Variants in CDK17 observed in about 807,000 individuals in gnomAD.
CDK17 encodes cyclin dependent kinase 17, also known as cyclin-dependent kinase 17.
CDK17 carries 24 observed loss-of-function variants against 77.6 expected under a neutral mutation model. That is an observed-to-expected ratio of 0.31 (90% confidence interval 0.22 to 0.44). CDK17 has a LOEUF of 0.44. Among genes scored for constraint, CDK17 ranks in the 20% least tolerant of loss-of-function variants. The pLI, the probability that CDK17 is intolerant of heterozygous loss-of-function variation, is 1.00. For missense variants in CDK17, 429 were observed against 622.5 expected (o/e 0.69, Z 3.31); for synonymous variants, 203 against 210.4 (o/e 0.96, Z 0.30).
At chr12:96,316,829 A>G (rs1296791456) in intron 3 of CDK17, among the ~76,000 whole-genome samples, 1 of 141,570 alleles carries the variant, frequency 7.1e-6, no homozygotes, top group Non-Finnish European at 1.5e-5. Flanking sequence ...TCAAAGACCA[A>G]AAGTAGATAA....
intron 1 of CDK17, among the ~76,000 whole-genome samples, chr12:96,373,221 C>T (rs553007991): frequency 5.3e-5 from 8 of 152,150 alleles, no homozygotes; most frequent in Non-Finnish European, 1.2e-4. Context: ...ATCCTGATTC[C>T]TTCATTTAAA....
chr12:96,378,575 T>C (rs1263755700), intron 1 of CDK17, among the ~76,000 whole-genome samples: 2 of 152,246 alleles, frequency 1.3e-5, no homozygotes, highest in African/African-American at 4.8e-5. Flanking sequence ...GCTACAGGGA[T>C]ATTGTTGCTT....
chr12:96,334,625 G>A, intron 2 of CDK17, 94 bp downstream of exon 2: 1 of 671,380 alleles, frequency 1.5e-6, no homozygotes, highest in Non-Finnish European at 2.6e-6. Context: ...TAAACAAAGG[G>A]AAGCTATTAT....
At position 96,278,703 on chromosome 12, in the gene CDK17, C is replaced by A. The variant is rs1952136010; in HGVS notation, c.*1539G>T. 6.6e-6 allele frequency: 1 copy of A among 152,440 alleles called. No individual in the cohort carries two copies. Among genetic ancestry groups the A allele is most frequent in the Non-Finnish European group, 1.5e-5 (1 of 67,944 alleles). The allele number at this position is 152,440 out of a possible 1,614,324, so 9.4% of individuals were successfully genotyped here. Reference sequence around the variant, plus strand: ...TAGGCTACAAGGTTTAACATAAAACCAATTTACAAATGTGAAAAGCAGTAG... The same window carrying A: ...TAGGCTACAAGGTTTAACATAAAACAAATTTACAAATGTGAAAAGCAGTAG... On this transcript the variant is annotated 3_prime_UTR_variant, in exon 17 of 17. Transcript: ENST00000261211.
intron 10 of CDK17, among the ~76,000 whole-genome samples, chr12:96,292,997 G>C (rs1952346849): frequency 6.6e-6 from 1 of 152,176 alleles, no homozygotes; most frequent in Admixed American, 6.5e-5. Flanking sequence ...AATTATCAAA[G>C]ACCTAAAGAG....
intron 9 of CDK17, among the ~76,000 whole-genome samples, chr12:96,296,397 T>TA (rs2137079990): frequency 6.6e-6 from 1 of 152,352 alleles, no homozygotes; most frequent in East Asian, 1.9e-4. Flanking sequence ...AAGCCCTTTT[T>TA]AAAAATCCTT....
chr12:96,334,738 T>C lies in CDK17; in HGVS notation c.99A>G (p.Glu33=). 6.3e-7 allele frequency: 1 copy of C among 1,599,486 alleles called. No individual in the cohort carries two copies. Among genetic ancestry groups the C allele is most frequent in the East Asian group, 2.2e-5 (1 of 44,734 alleles). The change falls in exon 2 of 17, where the codon GAA becomes GAG. Residue 33 remains glutamate, a synonymous_variant. Coordinates refer to ENST00000261211, the MANE Select transcript of CDK17 (RefSeq NM_002595.5). ...SELAEQMTIE[E]NSSKDNEPIV... ...ATTTACCATTATCCTTGCTGCTGTT[T>C]TCTTCAATAGTCATTTGTTCAGCCA...
chr12:96,375,284 G>C (rs964143747), intron 1 of CDK17, among the ~76,000 whole-genome samples: 5 of 151,966 alleles, frequency 3.3e-5, no homozygotes, highest in Non-Finnish European at 5.9e-5. Context: ...CATTTTCCTT[G>C]GCTTCTCTAT....
At chr12:96,312,203 G>A (rs1315542653) in intron 4 of CDK17, among the ~76,000 whole-genome samples, 4 of 152,158 alleles carry the variant, frequency 2.6e-5, no homozygotes, top group Admixed American at 2.6e-4. Flanking sequence ...CTTGAGCCCA[G>A]GAGGTTGAGG....
intron 5 of CDK17, among the ~76,000 whole-genome samples, chr12:96,310,270 G>C (rs1952630661): frequency 6.6e-6 from 1 of 151,934 alleles, no homozygotes; most frequent in Non-Finnish European, 1.5e-5. Context: ...GATACATATT[G>C]TGCAATATAT....
At chr12:96,342,167 A>G (rs1399900312) in intron 1 of CDK17, among the ~76,000 whole-genome samples, 4 of 152,338 alleles carry the variant, frequency 2.6e-5, no homozygotes, top group African/African-American at 9.6e-5. Flanking sequence ...TTATTTCTTC[A>G]TAACATTTTC....
intron 1 of CDK17, among the ~76,000 whole-genome samples, chr12:96,391,583 G>A (rs34943694): frequency 0.049 from 7,433 of 152,172 alleles, 248 homozygotes; most frequent in Non-Finnish European, 0.061. Context: ...GAGCCACCGC[G>A]GCAGGCCAGT....
intron 3 of CDK17, 101 bp downstream of exon 3, chr12:96,323,847 G>T: frequency 1.2e-6 from 1 of 815,254 alleles, no homozygotes; most frequent in Non-Finnish European, 1.8e-6. Context: ...ATTTTTATCT[G>T]ACAGAAGAAA....
Position 96,297,503 on chromosome 12 carries a change from T to C in CDK17, c.810+124A>G, listed in dbSNP as rs536925444. The C allele has an allele frequency of 5.3e-5, 43 of 806,630 alleles. No individual in the cohort carries two copies. In the African/African-American group the frequency reaches 6.8e-4, roughly 13 times the overall value. The allele number at this position is 806,630 out of a possible 1,614,324, so 50.0% of individuals were successfully genotyped here. ...CTAAATAATAAAGTCTCTTGGGCTGTTAAAAAGTCCAATTTAGCTAAGCAC... is the reference window on the plus strand; with the variant it reads ...CTAAATAATAAAGTCTCTTGGGCTGCTAAAAAGTCCAATTTAGCTAAGCAC... On this transcript the variant is annotated intron_variant, in intron 8 of 16. Transcript: ENST00000261211.
At chr12:96,340,094 T>C (rs1274065954) in intron 1 of CDK17, among the ~76,000 whole-genome samples, 1 of 151,938 alleles carries the variant, frequency 6.6e-6, no homozygotes, top group Non-Finnish European at 1.5e-5. Context: ...TGGACAATGC[T>C]GACATAGAGC....
intron 1 of CDK17, among the ~76,000 whole-genome samples, chr12:96,341,320 CA>C (rs1953118830): frequency 8.4e-6 from 1 of 118,826 alleles, no homozygotes; most frequent in African/African-American, 3.2e-5. Flanking sequence ...CATATACATA[CA>C]CACACACACA....
At chr12:96,363,480 C>T (rs571923116) in intron 1 of CDK17, among the ~76,000 whole-genome samples, 1 of 150,228 alleles carries the variant, frequency 6.7e-6, no homozygotes, top group Admixed American at 6.7e-5. Context: ...ATTAGAGCCC[C>T]CTGTGCAGGG....
At chr12:96,355,923 G>A (rs937521615) in intron 1 of CDK17, among the ~76,000 whole-genome samples, 1 of 152,058 alleles carries the variant, frequency 6.6e-6, no homozygotes, top group Non-Finnish European at 1.5e-5. Flanking sequence ...CTCCCTGATT[G>A]AAGTCAATCT....
At chr12:96,394,981 T>TTCTCCTG (rs1317399938) in intron 1 of CDK17, among the ~76,000 whole-genome samples, 1 of 151,684 alleles carries the variant, frequency 6.6e-6, no homozygotes, top group African/African-American at 2.4e-5. Flanking sequence ...GTTCAAGCAA[T>TTCTCCTG]TCTCCTGCCT....
Sources: allele counts gnomAD v4.1 joint callset (sites outside exome capture counted in the v4.1 genomes callset), GRCh38; gene constraint gnomAD v4.1.1; transcripts MANE v1.5; gene names NCBI Gene and HGNC (gene_info 2026-07-23, HGNC 2026-07-21).